The following KIRREL3 variants were observed in gnomAD, a reference collection of about 807,000 sequenced individuals.
KIRREL3 encodes kin of IRRE-like protein 3.
A neutral mutation model predicts 89.7 loss-of-function variants in KIRREL3; 36 were observed. The observed-to-expected ratio is 0.40, with a 90% CI of 0.31 to 0.53. The LOEUF is 0.53. Among genes scored for constraint, KIRREL3 ranks in the 20% least tolerant of loss-of-function variants. The pLI is 0.49. For missense variants in KIRREL3, 864 were observed against 1,056.6 expected, an observed-to-expected ratio of 0.82 and a Z score of 2.53; for synonymous variants, 445 against 441.4, an observed-to-expected ratio of 1.01 and a Z score of -0.10.
In KIRREL3 at chr11:126,908,749, C is replaced by G. The variant is rs1946686347; in HGVS notation, c.55+91706G>C. ...ATAATAGTTTCTGCTTTTATGGGGCCTATAGTCTAGGTAGGAAGATAAATG... is the reference window on the plus strand; with the variant it reads ...ATAATAGTTTCTGCTTTTATGGGGCGTATAGTCTAGGTAGGAAGATAAATG... On this transcript the variant is annotated intron_variant, in intron 1 of 16. Transcript: ENST00000525144. The surrounding 1 kb of genome is among the most constrained non-coding windows in gnomAD (Gnocchi z 4.2). 6.6e-6 allele frequency among the ~76,000 whole-genome samples: 1 copy of G among 152,022 alleles called. No homozygotes were observed. Among genetic ancestry groups the G allele is most frequent in the African/African-American group, 2.4e-5 (1 of 41,386 alleles).
At chr11:126,453,258 G>C (rs1226966121) in intron 7 of KIRREL3, among the ~76,000 whole-genome samples, 1 of 151,974 alleles carries the variant, frequency 6.6e-6, no homozygotes, top group Non-Finnish European at 1.5e-5. Context: ...CATCTCGTGT[G>C]GGGGGGCCAC....
At chr11:126,930,469 AG>A (rs1781599111) in intron 1 of KIRREL3, among the ~76,000 whole-genome samples, 1 of 152,150 alleles carries the variant, frequency 6.6e-6, no homozygotes, top group Non-Finnish European at 1.5e-5. Context: ...CCTACTGCGG[AG>A]GTAGCTGCCA....
intron 1 of KIRREL3, among the ~76,000 whole-genome samples, chr11:126,585,969 G>A (rs1294271550): frequency 6.6e-6 from 1 of 152,210 alleles, no homozygotes; most frequent in East Asian, 1.9e-4. Context: ...GCCCTGGCAG[G>A]ATTCCAGCCT....
At chr11:126,854,363 C>T (rs1398654587) in intron 1 of KIRREL3, among the ~76,000 whole-genome samples, 2 of 152,036 alleles carry the variant, frequency 1.3e-5, no homozygotes, top group Non-Finnish European at 2.9e-5. Context: ...AAGTCTGTAC[C>T]CATTAAATCC....
chr11:126,841,086 C>T (rs979518735), intron 1 of KIRREL3, among the ~76,000 whole-genome samples: 17 of 152,078 alleles, frequency 1.1e-4, no homozygotes, highest in African/African-American at 4.1e-4. Flanking sequence ...TAAGTTTTAT[C>T]GTAGGTATGT....
rs1341920304 is a variant in KIRREL3, at chr11:126,707,555, A to G, written c.56-144643T>C. 2.0e-5 allele frequency among the ~76,000 whole-genome samples: 3 copies of G among 152,266 alleles called. No individual in the cohort carries two copies. The East Asian group carries it at 5.8e-4, about 30-fold the overall frequency. On this transcript the variant is annotated intron_variant, in intron 1 of 16. Transcript: ENST00000525144. ...TGTCAGTCCATTGTTCTCTCTGTTC[A>G]TATGCCAATACTGAAGGCTGCTTCT... is the stretch of plus-strand genomic sequence containing the variant.
chr11:126,815,362 T>C (rs1012015200), intron 1 of KIRREL3, among the ~76,000 whole-genome samples: 3 of 152,190 alleles, frequency 2.0e-5, no homozygotes, highest in African/African-American at 7.2e-5. Context: ...TCTCCCACTG[T>C]GTGACCTGAG....
chr11:126,945,875 A>G (rs1234786415), intron 1 of KIRREL3, among the ~76,000 whole-genome samples: 1 of 152,188 alleles, frequency 6.6e-6, no homozygotes, highest in African/African-American at 2.4e-5. Context: ...TGTAGTCATC[A>G]CTTGAGGCCT....
intron 1 of KIRREL3, among the ~76,000 whole-genome samples, chr11:126,842,492 A>G (rs1484267342): frequency 6.6e-6 from 1 of 152,184 alleles, no homozygotes; most frequent in Non-Finnish European, 1.5e-5. Context: ...CAAGACCATG[A>G]CCATATTGGG....
intron 2 of KIRREL3, among the ~76,000 whole-genome samples, chr11:126,543,250 G>A (rs1190890046): frequency 1.3e-5 from 2 of 152,194 alleles, no homozygotes; most frequent in Non-Finnish European, 2.9e-5. Context: ...GTTTCAAGGA[G>A]AGGTTTTGTG....
intron 1 of KIRREL3, among the ~76,000 whole-genome samples, chr11:126,862,594 T>G (rs187062145): frequency 4.6e-5 from 7 of 152,300 alleles, no homozygotes; most frequent in Non-Finnish European, 1.0e-4. Context: ...GAAGCCCTGA[T>G]GAATGAAGAG....
intron 8 of KIRREL3, 112 bp from the exon 9 acceptor site, chr11:126,446,998 G>C (rs1177753122): frequency 3.0e-6 from 4 of 1,316,928 alleles, no homozygotes; most frequent in Non-Finnish European, 4.2e-6. Flanking sequence ...GCAGGCAGTG[G>C]GGTACTTGTG....
In KIRREL3 at chr11:126,769,692, A is replaced by T. The variant is rs920185708; in HGVS notation, c.56-206780T>A. On this transcript the variant is annotated intron_variant, in intron 1 of 16. Transcript: ENST00000525144. This position sits in a 1 kb window ranked among gnomAD's most constrained non-coding sequence, Gnocchi z 4.3. ...TAGGCCCTGTGAAGGACAAGCAAGC[A>T]GACATTTGTCCTTGGTGAGCTCACA... Among the ~76,000 whole-genome samples, 6 of 152,318 alleles carry T rather than the reference A, an allele frequency of 3.9e-5. No homozygotes were observed. The highest frequency in any genetic ancestry group is 1.4e-4 in the African/African-American group (6 of 41,576).
chr11:126,886,398 C>A (rs1945697426), intron 1 of KIRREL3, among the ~76,000 whole-genome samples: 2 of 152,188 alleles, frequency 1.3e-5, no homozygotes, highest in African/African-American at 4.8e-5. Flanking sequence ...GTATCTCCTA[C>A]CAGCGCTAAT....
Position 126,981,065 on chromosome 11 carries a change from A to G in KIRREL3, c.55+19390T>C, listed in dbSNP as rs1270705764. On this transcript the variant is annotated intron_variant, in intron 1 of 16. Coordinates refer to ENST00000525144, the MANE Select transcript of KIRREL3 (RefSeq NM_032531.4). This position sits in a 1 kb window ranked among gnomAD's most constrained non-coding sequence, Gnocchi z 4.2. ...CGTGGACTATCATTATTCAATTTAAATTGCTACAAAGTACTATTCTTACAT... is the reference window on the plus strand; with the variant it reads ...CGTGGACTATCATTATTCAATTTAAGTTGCTACAAAGTACTATTCTTACAT... Among the ~76,000 whole-genome samples, 1 of 152,172 alleles carries G rather than the reference A, an allele frequency of 6.6e-6. No homozygotes were observed. Among genetic ancestry groups the G allele is most frequent in the Non-Finnish European group, 1.5e-5 (1 of 68,026 alleles).
At chr11:126,884,865 C>T (rs1379215452) in intron 1 of KIRREL3, among the ~76,000 whole-genome samples, 2 of 151,842 alleles carry the variant, frequency 1.3e-5, no homozygotes, top group East Asian at 3.9e-4. Context: ...AGAAATGCAA[C>T]CAATGGTTGC....
At chr11:126,865,500 C>G (rs896185118) in intron 1 of KIRREL3, among the ~76,000 whole-genome samples, 3 of 152,202 alleles carry the variant, frequency 2.0e-5, no homozygotes, top group Non-Finnish European at 4.4e-5. Context: ...GCTTGCACAC[C>G]CTGCAGGGCC....
chr11:126,434,278 G>A (rs889450556), intron 13 of KIRREL3, among the ~76,000 whole-genome samples: 2 of 152,266 alleles, frequency 1.3e-5, no homozygotes, highest in East Asian at 1.9e-4. Context: ...GCCACCGAGG[G>A]GGGAAGGTGT....
At chr11:126,706,125 C>A (rs907817874) in intron 1 of KIRREL3, among the ~76,000 whole-genome samples, 4 of 152,192 alleles carry the variant, frequency 2.6e-5, no homozygotes, top group Admixed American at 6.5e-5. Flanking sequence ...CTATACGGAG[C>A]AGGTGAACCA....
Sources: gnomAD v4.1 joint callset for allele counts (sites outside exome capture counted in the v4.1 genomes callset) on GRCh38, gnomAD v4.1.1 for gene constraint, Gnocchi (gnomAD v3.1) non-coding constraint, MANE v1.5 for transcripts, NCBI Gene and HGNC (gene_info 2026-07-23, HGNC 2026-07-21) for gene names.